OGA: variants seen among roughly 807,000 people sequenced by gnomAD.
The protein encoded by OGA is O-GlcNAcase.
In OGA, 21 loss-of-function variants were observed where a neutral mutation model predicts 102.0. The ratio of observed to expected loss-of-function variants is 0.21; its 90% CI spans 0.15 to 0.30. OGA has a LOEUF of 0.30. Among genes scored for constraint, OGA ranks in the 10% least tolerant of loss-of-function variants. The pLI is 1.00. For missense variants in OGA, 765 were observed against 1,107.8 expected (o/e 0.69, Z 4.39); for synonymous variants, 408 against 378.2 (o/e 1.08, Z -0.91).
intron 1 of OGA, among the ~76,000 whole-genome samples, chr10:101,816,346 G>A (rs543716634): frequency 6.6e-5 from 10 of 152,316 alleles, no homozygotes; most frequent in African/African-American, 2.4e-4. Context: ...GGGCACGGGA[G>A]GGAGGAGGAA....
intron 11 of OGA, 60 bp downstream of exon 11, chr10:101,793,853 A>C: frequency 7.7e-7 from 1 of 1,301,002 alleles, no homozygotes; most frequent in South Asian, 1.2e-5. Context: ...CTGATGCGCA[A>C]CATAAGGTTT....
intron 12 of OGA, 88 bp downstream of exon 12, chr10:101,792,751 A>C (rs556532937): frequency 1.5e-5 from 13 of 884,548 alleles, no homozygotes; most frequent in Admixed American, 4.7e-5. Context: ...TTAAGACAGA[A>C]GGATTCCTTT....
chr10:101,805,044 G>T (rs944123429), intron 6 of OGA, among the ~76,000 whole-genome samples: 8 of 151,898 alleles, frequency 5.3e-5, no homozygotes, highest in African/African-American at 1.9e-4. Context: ...TTTATTAACT[G>T]AATTTTTTTT....
In OGA at chr10:101,818,206, G is replaced by A; in HGVS notation, c.-184C>T. On this transcript the variant is annotated 5_prime_UTR_variant, in exon 1 of 16. Transcript: ENST00000361464. ...CCCGAATGCCCGGATGAGAAGGGCG[G>A]CGGCACCGGCGCGAGCCCTTTGTCA... 2 of 1,347,766 alleles carry A rather than the reference G, an allele frequency of 1.5e-6. No individual in the cohort carries two copies. Among genetic ancestry groups the A allele is most frequent in the Non-Finnish European group, 1.9e-6 (2 of 1,053,622 alleles). 83.5% of individuals were successfully genotyped at this position (1,347,766 alleles called of 1,614,324 possible). A position where few individuals can be genotyped will look rare whatever the true frequency, so the allele number is the denominator to read the frequency against.
chr10:101,788,527 G>T (rs950542533), intron 14 of OGA, among the ~76,000 whole-genome samples: 13 of 151,824 alleles, frequency 8.6e-5, no homozygotes, highest in African/African-American at 3.1e-4. Context: ...ACAAGGTCAG[G>T]AGTTTGAGAC....
At position 101,803,880 on chromosome 10, in the gene OGA, T is replaced by C; in HGVS notation, c.891A>G (p.Lys297=). The C allele has an allele frequency of 6.2e-7, 1 of 1,614,252 alleles. No homozygotes were observed. Residue 297 remains lysine (K), a synonymous_variant, in exon 7 of 16, where the codon AAA becomes AAG. Transcript: ENST00000361464. ...GTGGGATGAGTTCTGTGGATCTTCC[T>C]TTGTACGGGCCCAGAAACAGTCTCT... ...DQKRLFLGPY[K]GRSTELIPRL... is the part of the protein sequence containing the mutation.
At chr10:101,804,266 C>A (rs1274113577) in intron 6 of OGA, among the ~76,000 whole-genome samples, 5 of 149,220 alleles carry the variant, frequency 3.4e-5, no homozygotes, top group Non-Finnish European at 5.9e-5. Flanking sequence ...GTTTTCCTTA[C>A]GTGTACTTTT....
intron 10 of OGA, among the ~76,000 whole-genome samples, chr10:101,795,325 A>G (rs2065301797): frequency 6.6e-6 from 1 of 152,212 alleles, no homozygotes; most frequent in Non-Finnish European, 1.5e-5. Context: ...GTCGCTGCGC[A>G]AACGTGACTT....
chr10:101,800,438 T>C (rs778191444), intron 7 of OGA, 38 bp from the exon 8 acceptor site: 2 of 1,547,726 alleles, frequency 1.3e-6, no homozygotes, highest in Non-Finnish European at 1.8e-6. Context: ...AAAATAGTTT[T>C]GATTACAAAA....
At chr10:101,799,577 T>A in intron 8 of OGA, 122 bp from the exon 9 acceptor site, 4 of 1,043,074 alleles carry the variant, frequency 3.8e-6, no homozygotes, top group Non-Finnish European at 5.5e-6. Flanking sequence ...CAATTTTAGA[T>A]CCAAATTAAT....
chr10:101,817,747 C>G (rs975725300), intron 1 of OGA, 77 bp downstream of exon 1: 70 of 1,487,344 alleles, frequency 4.7e-5, no homozygotes, highest in Non-Finnish European at 5.9e-5. Context: ...TTAGAGTCTC[C>G]AAAATCCCCG....
chr10:101,801,392 C>A (rs1381224333), intron 7 of OGA, among the ~76,000 whole-genome samples: 12 of 132,898 alleles, frequency 9.0e-5, no homozygotes, highest in South Asian at 2.4e-4. Flanking sequence ...GACTCCGTCT[C>A]AGAAAAAAAA....
chr10:101,788,264 C>T (rs1013367100), intron 14 of OGA, among the ~76,000 whole-genome samples: 2 of 151,256 alleles, frequency 1.3e-5, no homozygotes, highest in African/African-American at 4.9e-5. Context: ...AAAGTAAAAC[C>T]CTGTCTCTAC....
Position 101,818,266 on chromosome 10 carries a change from G to A in OGA, c.-244C>T. On this transcript the variant is annotated 5_prime_UTR_variant, in exon 1 of 16. Coordinates refer to ENST00000361464, the MANE Select transcript of OGA (RefSeq NM_012215.5). ...TCGGCTTTAAGCTGGGGCGCCAGAA[G>A]CCTAAGCGGAGAGCGAGGCTGTGAC... 7.7e-7 allele frequency: 1 copy of A among 1,298,858 alleles called. No homozygotes were observed. The highest frequency in any genetic ancestry group is 9.8e-7 in the Non-Finnish European group (1 of 1,023,884). The allele number at this position is 1,298,858 out of a possible 1,614,324, so 80.5% of individuals were successfully genotyped here.
chr10:101,808,913 T>A (rs776375658), intron 4 of OGA, among the ~76,000 whole-genome samples: 2 of 151,592 alleles, frequency 1.3e-5, no homozygotes, highest in Non-Finnish European at 2.9e-5. Flanking sequence ...GAGGTTGCAA[T>A]GAGCTGAGAT....
chr10:101,793,689 G>C lies in OGA; in HGVS notation c.2070+224C>G. On this transcript the variant is annotated intron_variant, in intron 11 of 15. Transcript: ENST00000361464. ...AGAAACAATGTGAAGTGTATACCTA[G>C]AGCCGCTGCGCTTCGCAGGCGCGGG... 4 of 457,070 alleles carry C rather than the reference G, an allele frequency of 8.8e-6. 1 individual carries two copies. The highest frequency in any genetic ancestry group is 6.6e-4 in the Middle Eastern group (1 of 1,520). 28.3% of individuals were successfully genotyped at this position (457,070 alleles called of 1,614,324 possible).
At chr10:101,812,402 T>C (rs935035203) in intron 3 of OGA, among the ~76,000 whole-genome samples, 7 of 152,006 alleles carry the variant, frequency 4.6e-5, no homozygotes, top group Non-Finnish European at 8.8e-5. Context: ...AGCAAGACTC[T>C]GTCTCAAAAA....
At chr10:101,797,771 C>A in intron 10 of OGA, 1 of 607,862 alleles carries the variant, frequency 1.6e-6, no homozygotes, top group Non-Finnish European at 2.9e-6. Context: ...GCTGAATTAG[C>A]CCAAGGGAGA....
At chr10:101,810,340 G>A (rs1176307903) in intron 3 of OGA, 26 bp from the exon 4 acceptor site, 3 of 1,587,396 alleles carry the variant, frequency 1.9e-6, no homozygotes, top group South Asian at 2.3e-5. Flanking sequence ...TATGTTTTTA[G>A]AAAGCAGAAC....
Sources: allele counts gnomAD v4.1 joint callset (sites outside exome capture counted in the v4.1 genomes callset), GRCh38; gene constraint gnomAD v4.1.1; transcripts MANE v1.5; gene names NCBI Gene and HGNC (gene_info 2026-07-23, HGNC 2026-07-21).